ASTN2: variants seen among roughly 807,000 people sequenced by gnomAD.
ASTN2 encodes astrotactin 2, also known as astrotactin-2.
A neutral mutation model predicts 139.8 loss-of-function variants in ASTN2; 54 were observed. That is an observed-to-expected ratio of 0.39 (90% CI 0.31 to 0.48). The LOEUF is 0.48. Among genes scored for constraint, ASTN2 ranks in the 20% least tolerant of loss-of-function variants. The probability of loss-of-function intolerance (pLI) is 0.95; values close to 1 mark genes in which losing one functional copy is unlikely to be tolerated. For missense variants in ASTN2, 1,565 were observed against 1,725.1 expected (o/e 0.91, Z 1.64); for synonymous variants, 756 against 719.5 (o/e 1.05, Z -0.81).
At chr9:116,692,912 A>G (rs899095135) in intron 16 of ASTN2, among the ~76,000 whole-genome samples, 5 of 152,104 alleles carry the variant, frequency 3.3e-5, no homozygotes, top group African/African-American at 1.2e-4. Context: ...AAGGAGCTAC[A>G]GCAGCTCATT....
chr9:116,793,284 A>G (rs569635458), intron 13 of ASTN2, among the ~76,000 whole-genome samples: 95 of 152,370 alleles, frequency 6.2e-4, no homozygotes, highest in African/African-American at 2.2e-3. Flanking sequence ...GAAGCAACCT[A>G]GATGTGCATG....
chr9:116,975,595 G>C (rs1447518414), intron 9 of ASTN2, among the ~76,000 whole-genome samples: 1 of 152,188 alleles, frequency 6.6e-6, no homozygotes, highest in Non-Finnish European at 1.5e-5. Context: ...AGTGGACTCT[G>C]TGAGGATAGG....
intron 11 of ASTN2, among the ~76,000 whole-genome samples, chr9:116,838,486 C>G (rs890283606): frequency 6.6e-6 from 1 of 152,036 alleles, no homozygotes; most frequent in African/African-American, 2.4e-5. Flanking sequence ...TGCAATGGCA[C>G]GATCTCGACT....
chr9:116,955,750 A>G (rs567098365), intron 10 of ASTN2, among the ~76,000 whole-genome samples: 1 of 152,332 alleles, frequency 6.6e-6, no homozygotes, highest in African/African-American at 2.4e-5. Context: ...CTTCTATAAA[A>G]TGGGGCCAGT....
chr9:116,519,558 G>A (rs1850784539), intron 19 of ASTN2, among the ~76,000 whole-genome samples: 1 of 152,018 alleles, frequency 6.6e-6, no homozygotes, highest in Non-Finnish European at 1.5e-5. Flanking sequence ...TCAAAAGTCT[G>A]AAAGAGCATA....
At chr9:116,835,812 G>A (rs1286552713) in intron 11 of ASTN2, among the ~76,000 whole-genome samples, 1 of 152,014 alleles carries the variant, frequency 6.6e-6, no homozygotes, top group African/African-American at 2.4e-5. Context: ...TTAGAGAGAG[G>A]TTCTCTCTCC....
intron 4 of ASTN2, among the ~76,000 whole-genome samples, chr9:117,134,911 C>T (rs745812828): frequency 1.3e-5 from 2 of 152,154 alleles, no homozygotes; most frequent in Non-Finnish European, 2.9e-5. Flanking sequence ...TATCCAGTGA[C>T]GTAACACTGT....
intron 14 of ASTN2, among the ~76,000 whole-genome samples, chr9:116,731,574 C>T (rs1040205504): frequency 1.3e-5 from 2 of 152,080 alleles, no homozygotes; most frequent in African/African-American, 4.8e-5. Flanking sequence ...AGGCACCCAC[C>T]ACCACCCCTG....
chr9:116,651,837 T>G, intron 16 of ASTN2, 44 bp from the exon 17 acceptor site: 1 of 1,595,106 alleles, frequency 6.3e-7, no homozygotes, highest in Non-Finnish European at 8.6e-7. Context: ...AAACTCAGGA[T>G]TATTCAAAAG....
intron 10 of ASTN2, among the ~76,000 whole-genome samples, chr9:116,879,153 T>C (rs921001157): frequency 6.6e-6 from 1 of 152,162 alleles, no homozygotes; most frequent in Non-Finnish European, 1.5e-5. Context: ...CTGCTGTGTG[T>C]ACCTGGGTGA....
intron 13 of ASTN2, among the ~76,000 whole-genome samples, chr9:116,772,726 C>A (rs978289794): frequency 3.3e-5 from 5 of 152,178 alleles, no homozygotes; most frequent in Non-Finnish European, 7.3e-5. Flanking sequence ...ACTCCCATCT[C>A]CCTAGCTCTC....
chr9:117,269,645 G>T (rs2133122537), intron 2 of ASTN2, among the ~76,000 whole-genome samples: 1 of 152,320 alleles, frequency 6.6e-6, no homozygotes, highest in South Asian at 2.1e-4. Flanking sequence ...GAGAGCTGAG[G>T]TTCAGCGTGG....
chr9:116,725,675 C>A (rs1432119208), intron 16 of ASTN2, 96 bp downstream of exon 16: 1 of 1,309,814 alleles, frequency 7.6e-7, no homozygotes, highest in East Asian at 2.3e-5. Context: ...CGTGGCAGAG[C>A]CAGGATTTAG....
At chr9:116,776,128 C>A (rs1434033081) in intron 13 of ASTN2, among the ~76,000 whole-genome samples, 1 of 152,088 alleles carries the variant, frequency 6.6e-6, no homozygotes, top group Non-Finnish European at 1.5e-5. Context: ...CAGGAAGGAT[C>A]CAAAGGTAGA....
chr9:116,723,164 C>CA (rs34360377), intron 16 of ASTN2, among the ~76,000 whole-genome samples: 410 of 139,304 alleles, frequency 2.9e-3, no homozygotes, highest in Middle Eastern at 7.6e-3. Flanking sequence ...GACTCCGTCT[C>CA]AAAAAAAAAA....
intron 5 of ASTN2, among the ~76,000 whole-genome samples, chr9:117,075,510 A>G (rs1371918070): frequency 5.9e-5 from 8 of 135,086 alleles, no homozygotes; most frequent in African/African-American, 2.2e-4. Flanking sequence ...GAGGGGGAGG[A>G]GGAGGAGGGG....
chr9:116,914,938 G>A (rs1834402390), intron 10 of ASTN2, among the ~76,000 whole-genome samples: 1 of 152,136 alleles, frequency 6.6e-6, no homozygotes, highest in Non-Finnish European at 1.5e-5. Context: ...GCTGAGCTCT[G>A]GCCTCAGGTC....
intron 19 of ASTN2, among the ~76,000 whole-genome samples, chr9:116,570,073 G>C (rs1386287004): frequency 6.6e-6 from 1 of 152,166 alleles, no homozygotes; most frequent in Non-Finnish European, 1.5e-5. Flanking sequence ...GTTCGAATCT[G>C]GGCTCCCTAA....
chr9:117,385,111 A>G (rs1830364167), intron 1 of ASTN2, among the ~76,000 whole-genome samples: 2 of 152,204 alleles, frequency 1.3e-5, no homozygotes, highest in African/African-American at 2.4e-5. Flanking sequence ...AAAAAGAATC[A>G]TAACATTCTT....
Sources: gnomAD v4.1 joint callset for allele counts (sites outside exome capture counted in the v4.1 genomes callset) on GRCh38, gnomAD v4.1.1 for gene constraint, MANE v1.5 for transcripts, NCBI Gene and HGNC (gene_info 2026-07-23, HGNC 2026-07-21) for gene names.